SLAMF6: variants seen among roughly 807,000 people sequenced by gnomAD.
The protein encoded by SLAMF6 is SLAM family member 6, also known as NK-T-B-antigen.
A neutral mutation model predicts 38.3 loss-of-function variants in SLAMF6; 21 were observed. That is an observed-to-expected ratio of 0.55 (90% CI 0.39 to 0.79). The LOEUF is 0.79. SLAMF6 is among the 30% of genes least tolerant of loss of function. The pLI is 0.00. For synonymous variants in SLAMF6, 152 were observed against 146.3 expected, an observed-to-expected ratio of 1.04 and a Z score of -0.28; for missense variants, 341 against 385.3, an observed-to-expected ratio of 0.89 and a Z score of 0.96.
chr1:160,489,292 C>T (rs752485677), intron 5 of SLAMF6, 122 bp from the exon 6 acceptor site: 33 of 874,938 alleles, frequency 3.8e-5, no homozygotes, highest in Non-Finnish European at 6.0e-5. Context: ...ATCTCCTTTC[C>T]TGAGGGATCA....
intron 1 of SLAMF6, among the ~76,000 whole-genome samples, chr1:160,508,592 G>A (rs909109689): frequency 6.6e-6 from 1 of 152,188 alleles, no homozygotes; most frequent in African/African-American, 2.4e-5. Context: ...TCAGGATATA[G>A]GTATGGGCAA....
chr1:160,508,057 C>A (rs976347071), intron 1 of SLAMF6, among the ~76,000 whole-genome samples: 3 of 152,120 alleles, frequency 2.0e-5, no homozygotes, highest in Non-Finnish European at 2.9e-5. Flanking sequence ...TAGGAAGAAT[C>A]AATATCATGA....
chr1:160,489,113 T>C lies in SLAMF6; in HGVS notation c.854A>G (p.Tyr285Cys), dbSNP rs747594602. ...CCTGTTTGAATGAGTGACTGAAGCATACACAGTGTTGTTCGTTGGAGACAC... is the reference window on the plus strand; with the variant it reads ...CCTGTTTGAATGAGTGACTGAAGCACACACAGTGTTGTTCGTTGGAGACAC... ...VSVSPTNNTV[Y>C]ASVTHSNRET... The change falls in exon 6 of 8, where the codon TAT becomes TGT. Residue 285 changes from tyrosine (Y) to cysteine (C), a missense_variant. Transcript: ENST00000368057. 12 of 1,613,936 alleles carry C rather than the reference T, an allele frequency of 7.4e-6. No individual in the cohort carries two copies. Among genetic ancestry groups the C allele is most frequent in the Non-Finnish European group, 1.0e-5 (12 of 1,179,832 alleles).
intron 3 of SLAMF6, 148 bp downstream of exon 3, chr1:160,490,977 G>C (rs1653258642): frequency 9.7e-7 from 1 of 1,033,712 alleles, no homozygotes. Flanking sequence ...GGAGTACTGA[G>C]AGATGCAGAG....
intron 7 of SLAMF6, 122 bp downstream of exon 7, chr1:160,486,982 T>C: frequency 3.0e-6 from 3 of 992,850 alleles, no homozygotes; most frequent in South Asian, 2.9e-5. Context: ...CCTGAGACTT[T>C]CCGCATGCTG....
intron 1 of SLAMF6, among the ~76,000 whole-genome samples, chr1:160,515,531 A>G (rs1453764487): frequency 6.6e-6 from 1 of 152,212 alleles, no homozygotes; most frequent in Non-Finnish European, 1.5e-5. Flanking sequence ...TCCTGATACC[A>G]AAACCTGGCA....
intron 1 of SLAMF6, among the ~76,000 whole-genome samples, chr1:160,510,381 G>T (rs750697548): frequency 3.5e-4 from 53 of 151,972 alleles, no homozygotes; most frequent in Non-Finnish European, 3.1e-4. Flanking sequence ...ATATTAAAGG[G>T]ATTATACACC....
intron 1 of SLAMF6, among the ~76,000 whole-genome samples, chr1:160,522,896 C>T (rs1335859941): frequency 6.6e-6 from 1 of 152,190 alleles, no homozygotes; most frequent in Non-Finnish European, 1.5e-5. Flanking sequence ...CTTATTTCCT[C>T]TGCCCCAGCA....
intron 1 of SLAMF6, among the ~76,000 whole-genome samples, chr1:160,516,896 C>T (rs1035714071): frequency 6.6e-6 from 1 of 152,150 alleles, no homozygotes; most frequent in Non-Finnish European, 1.5e-5. Flanking sequence ...AAACTCAAAA[C>T]TATGAAAACC....
Position 160,486,070 on chromosome 1 carries a change from C to T in SLAMF6, c.*637G>A, listed in dbSNP as rs1033017693. On this transcript the variant is annotated 3_prime_UTR_variant, in exon 8 of 8. Coordinates refer to ENST00000368057, the MANE Select transcript of SLAMF6 (RefSeq NM_001184714.2). ...CCAAAAATCCAATATCCAAAATGCT[C>T]CAAAATCTGAGATTTTGAGCACTGC... 31 of 152,332 alleles carry T rather than the reference C, an allele frequency of 2.0e-4. No homozygotes were observed. The highest frequency in any genetic ancestry group is 7.5e-4 in the African/African-American group (31 of 41,424). 9.4% of individuals were successfully genotyped at this position (152,332 alleles called of 1,614,324 possible).
At chr1:160,491,678 A>G (rs990139788) in intron 2 of SLAMF6, among the ~76,000 whole-genome samples, 1 of 152,082 alleles carries the variant, frequency 6.6e-6, no homozygotes, top group Non-Finnish European at 1.5e-5. Context: ...GTTATTTTAT[A>G]TTTCTGGTCT....
At chr1:160,509,117 C>G (rs1309061836) in intron 1 of SLAMF6, among the ~76,000 whole-genome samples, 2 of 152,160 alleles carry the variant, frequency 1.3e-5, no homozygotes, top group East Asian at 3.8e-4. Context: ...GGATCTAGAA[C>G]TAGAAATACC....
In SLAMF6 at chr1:160,523,061, T is replaced by C. The variant is rs573497452; in HGVS notation, c.49+83A>G. The C allele has an allele frequency of 6.1e-6, 9 of 1,470,876 alleles. No homozygotes were observed. The East Asian group carries it at 1.8e-4, about 30-fold the overall frequency. The allele number at this position is 1,470,876 out of a possible 1,614,324, so 91.1% of individuals were successfully genotyped here. A position where few individuals can be genotyped will look rare whatever the true frequency, so the allele number is the denominator to read the frequency against. ...ATCCCTTGGCAGAGAGCCAGACAAC[T>C]GTATACAGACGATTTAGGTTGAGCA... is the stretch of plus-strand genomic sequence containing the variant. On this transcript the variant is annotated intron_variant, in intron 1 of 7. Coordinates refer to ENST00000368057, the MANE Select transcript of SLAMF6 (RefSeq NM_001184714.2).
At chr1:160,507,073 C>A (rs1654225931) in intron 1 of SLAMF6, among the ~76,000 whole-genome samples, 1 of 152,046 alleles carries the variant, frequency 6.6e-6, no homozygotes, top group Admixed American at 6.6e-5. Context: ...ATGAATTGAA[C>A]TCTTCAATTA....
chr1:160,489,202 C>A (rs752240939), intron 5 of SLAMF6, 32 bp from the exon 6 acceptor site: 1 of 1,612,194 alleles, frequency 6.2e-7, no homozygotes. Context: ...GTCAATGGCA[C>A]AAGGACTCTG....
intron 1 of SLAMF6, among the ~76,000 whole-genome samples, chr1:160,505,841 G>A (rs1202755707): frequency 6.6e-6 from 1 of 152,106 alleles, no homozygotes; most frequent in Non-Finnish European, 1.5e-5. Flanking sequence ...TAGAGATTCT[G>A]GAGCTGAAAA....
At chr1:160,490,785 A>T (rs1653245904) in intron 3 of SLAMF6, 100 bp from the exon 4 acceptor site, 3 of 1,500,826 alleles carry the variant, frequency 2.0e-6, no homozygotes, top group Non-Finnish European at 8.9e-7. Flanking sequence ...TTTGGGGACT[A>T]GGTAAGTTTG....
intron 1 of SLAMF6, among the ~76,000 whole-genome samples, chr1:160,522,141 C>A (rs765645685): frequency 6.6e-5 from 10 of 152,186 alleles, no homozygotes; most frequent in Non-Finnish European, 1.2e-4. Flanking sequence ...ATGCTGCTGC[C>A]ACACTTGTTG....
chr1:160,503,164 T>A (rs1653998174), intron 1 of SLAMF6, among the ~76,000 whole-genome samples: 1 of 152,068 alleles, frequency 6.6e-6, no homozygotes, highest in South Asian at 2.1e-4. Context: ...GGGGAAGAAG[T>A]TGGAATATTT....
Sources: gnomAD v4.1 joint callset for allele counts (sites outside exome capture counted in the v4.1 genomes callset) on GRCh38, gnomAD v4.1.1 for gene constraint, MANE v1.5 for transcripts, NCBI Gene and HGNC (gene_info 2026-07-23, HGNC 2026-07-21) for gene names.